Variants in KIAA0825 observed in about 807,000 individuals in gnomAD.
The protein encoded by KIAA0825 is uncharacterized protein KIAA0825.
A neutral mutation model predicts 147.6 loss-of-function variants in KIAA0825; 119 were observed. The observed-to-expected ratio is 0.81, with a 90% CI of 0.69 to 0.94. The LOEUF is 0.94. Among genes scored for constraint, KIAA0825 ranks in the 40% least tolerant of loss-of-function variants. The pLI is 0.00. For synonymous variants in KIAA0825, 470 were observed against 518.1 expected (o/e 0.91, Z 1.26); for missense variants, 1,381 against 1,472.7 (o/e 0.94, Z 1.02).
At chr5:94,384,515 A>T in intron 19 of KIAA0825, 57 bp from the exon 20 acceptor site, 1 of 1,385,958 alleles carries the variant, frequency 7.2e-7, no homozygotes, top group East Asian at 2.5e-5. Flanking sequence ...AGTTAATATG[A>T]TCAGTAAATT....
chr5:94,494,398 G>A (rs1212585455), intron 5 of KIAA0825, among the ~76,000 whole-genome samples: 1 of 142,856 alleles, frequency 7.0e-6, no homozygotes, highest in African/African-American at 2.7e-5. Context: ...GCCACTGTTA[G>A]TTGAAGATGC....
chr5:94,574,703 CA>C (rs1302240374), intron 2 of KIAA0825, among the ~76,000 whole-genome samples: 4 of 152,026 alleles, frequency 2.6e-5, no homozygotes, highest in African/African-American at 9.7e-5. Context: ...ATTATGTCTT[CA>C]TTTTTTTTAA....
chr5:94,182,307 T>C (rs1341804817), intron 20 of KIAA0825, among the ~76,000 whole-genome samples: 2 of 138,456 alleles, frequency 1.4e-5, no homozygotes, highest in African/African-American at 2.7e-5. Flanking sequence ...TCACCAGGGC[T>C]GGAGTGCAGT....
chr5:94,361,095 C>A (rs985029254), intron 20 of KIAA0825, among the ~76,000 whole-genome samples: 1 of 152,172 alleles, frequency 6.6e-6, no homozygotes, highest in African/African-American at 2.4e-5. Flanking sequence ...AGACATTCAG[C>A]GTAGAAAACA....
chr5:94,166,543 T>TGTCACCCAG (rs1768060405), intron 20 of KIAA0825, among the ~76,000 whole-genome samples: 1 of 142,102 alleles, frequency 7.0e-6, no homozygotes, highest in South Asian at 2.4e-4. Context: ...AATCTCGCTC[T>TGTCACCCAG]GTCACCCAGT....
At chr5:94,335,233 G>C (rs1366279958) in intron 20 of KIAA0825, among the ~76,000 whole-genome samples, 1 of 152,092 alleles carries the variant, frequency 6.6e-6, no homozygotes, top group Non-Finnish European at 1.5e-5. Flanking sequence ...TAGAGGTTTG[G>C]AGAGAAATTG....
intron 20 of KIAA0825, among the ~76,000 whole-genome samples, chr5:94,279,255 A>T (rs1777356932): frequency 6.6e-6 from 1 of 152,092 alleles, no homozygotes. Flanking sequence ...AACTACAAAA[A>T]AACTTAAAAT....
chr5:94,237,165 C>G (rs1190658924), intron 20 of KIAA0825, among the ~76,000 whole-genome samples: 1 of 151,900 alleles, frequency 6.6e-6, no homozygotes, highest in African/African-American at 2.4e-5. Context: ...ATGCAAAAGC[C>G]ATACCAAGTT....
intron 20 of KIAA0825, among the ~76,000 whole-genome samples, chr5:94,315,420 G>A (rs1779560276): frequency 6.6e-6 from 1 of 151,522 alleles, no homozygotes; most frequent in Admixed American, 6.6e-5. Flanking sequence ...TAAAAAGCGG[G>A]TGTAGAAATC....
At chr5:94,217,534 T>C (rs1034073841) in intron 20 of KIAA0825, among the ~76,000 whole-genome samples, 2 of 152,180 alleles carry the variant, frequency 1.3e-5, no homozygotes, top group African/African-American at 4.8e-5. Flanking sequence ...GAGCAGCATA[T>C]TTAGTTATAC....
intron 20 of KIAA0825, among the ~76,000 whole-genome samples, chr5:94,234,730 A>G (rs1161560586): frequency 6.6e-6 from 1 of 152,168 alleles, no homozygotes; most frequent in Non-Finnish European, 1.5e-5. Flanking sequence ...ATGAGAGCTC[A>G]CTTATCACCA....
intron 3 of KIAA0825, among the ~76,000 whole-genome samples, chr5:94,532,696 A>AT (rs772203748): frequency 0.014 from 1,956 of 135,114 alleles, 11 homozygotes; most frequent in African/African-American, 0.017. Context: ...GCCTGGGCTA[A>AT]TTTTTTTTTT....
At chr5:94,518,794 A>G (rs940235668) in intron 5 of KIAA0825, among the ~76,000 whole-genome samples, 11 of 152,140 alleles carry the variant, frequency 7.2e-5, no homozygotes, top group Non-Finnish European at 1.5e-4. Flanking sequence ...GGACACACAT[A>G]CTTTTCTCTC....
At position 94,193,215 on chromosome 5, in the gene KIAA0825, C is replaced by T. The variant is rs956310257; in HGVS notation, c.3711-39091G>A. Among the ~76,000 whole-genome samples, 8 of 152,112 alleles carry T rather than the reference C, an allele frequency of 5.3e-5. No homozygotes were observed. The South Asian group carries it at 6.2e-4, about 12-fold the overall frequency. On this transcript the variant is annotated intron_variant, in intron 20 of 20. Coordinates refer to ENST00000682413, the MANE Select transcript of KIAA0825 (RefSeq NM_001145678.3). Reference sequence around the variant, plus strand: ...AATGAAGCTGCACCTACCATGAGGGCGTGCCAGAACCCAGGGGGAGGCCTC... The same window carrying T: ...AATGAAGCTGCACCTACCATGAGGGTGTGCCAGAACCCAGGGGGAGGCCTC...
chr5:94,231,385 C>T (rs569202586), intron 20 of KIAA0825, among the ~76,000 whole-genome samples: 3 of 152,012 alleles, frequency 2.0e-5, no homozygotes, highest in Non-Finnish European at 2.9e-5. Context: ...AGAAGATATT[C>T]GATATCTTCC....
chr5:94,449,186 T>C (rs1052492317), intron 13 of KIAA0825, among the ~76,000 whole-genome samples: 1 of 152,018 alleles, frequency 6.6e-6, no homozygotes, highest in Non-Finnish European at 1.5e-5. Context: ...AACTAAGTCT[T>C]AAAGACACAT....
intron 2 of KIAA0825, among the ~76,000 whole-genome samples, chr5:94,545,017 GAC>G (rs1584843968): frequency 6.6e-6 from 1 of 151,988 alleles, no homozygotes. Context: ...AGTGTGGAAA[GAC>G]AATCTATGCA....
At chr5:94,284,090 TG>T (rs1777570138) in intron 20 of KIAA0825, among the ~76,000 whole-genome samples, 1 of 152,148 alleles carries the variant, frequency 6.6e-6, no homozygotes, top group African/African-American at 2.4e-5. Flanking sequence ...AAACTTGTAT[TG>T]TAAAAAATGT....
intron 2 of KIAA0825, among the ~76,000 whole-genome samples, chr5:94,552,029 T>C (rs936332525): frequency 2.6e-5 from 4 of 151,894 alleles, no homozygotes; most frequent in African/African-American, 9.7e-5. Context: ...ACAAAAAAAC[T>C]ACCCTCATCT....
Sources: allele counts gnomAD v4.1 joint callset (sites outside exome capture counted in the v4.1 genomes callset), GRCh38; gene constraint gnomAD v4.1.1; transcripts MANE v1.5; gene names NCBI Gene and HGNC (gene_info 2026-07-23, HGNC 2026-07-21).